The following MACROD2 variants were observed in gnomAD, a reference collection of about 807,000 sequenced individuals.
MACROD2 encodes mono-ADP ribosylhydrolase 2.
A neutral mutation model predicts 70.4 loss-of-function variants in MACROD2; 36 were observed. That is an observed-to-expected ratio of 0.51 (90% CI 0.39 to 0.68). The LOEUF (loss-of-function observed/expected upper bound fraction) is 0.68. MACROD2 is among the 30% of genes least tolerant of loss of function. The pLI is 0.00. For missense variants in MACROD2, 496 were observed against 538.4 expected (o/e 0.92, Z 0.78); for synonymous variants, 172 against 178.8 (o/e 0.96, Z 0.30).
At chr20:15,889,688 CTT>C (rs763626599) in intron 10 of MACROD2, among the ~76,000 whole-genome samples, 4 of 152,256 alleles carry the variant, frequency 2.6e-5, no homozygotes, top group Non-Finnish European at 5.9e-5. Flanking sequence ...TTCCCATGTC[CTT>C]TCATTTCCAT....
intron 3 of MACROD2, among the ~76,000 whole-genome samples, chr20:14,308,782 C>G (rs1047069225): frequency 6.6e-6 from 1 of 151,908 alleles, no homozygotes; most frequent in Non-Finnish European, 1.5e-5. Context: ...CTCTGAGTGC[C>G]TACTAAGGAA....
intron 3 of MACROD2, among the ~76,000 whole-genome samples, chr20:14,357,850 G>A (rs997155771): frequency 6.6e-6 from 1 of 152,224 alleles, no homozygotes; most frequent in Non-Finnish European, 1.5e-5. Context: ...AAATAAGACA[G>A]TGCTCTCAAG....
rs184338227 is a variant in MACROD2, at chr20:15,729,080, A to G, written c.646-133665A>G. Among the ~76,000 whole-genome samples, 363 of 152,230 alleles carry G rather than the reference A, an allele frequency of 2.4e-3. 1 individual carries two copies. The highest frequency in any genetic ancestry group is 8.2e-3 in the African/African-American group (339 of 41,562). ...TGTCCCAGAGATTCTGGTATATTGT[A>G]TCTTTGTTCCCATTAGTTTCAAAGA... On this transcript the variant is annotated intron_variant, in intron 8 of 17. Transcript: ENST00000684519.
intron 5 of MACROD2, among the ~76,000 whole-genome samples, chr20:14,714,535 A>G (rs933589122): frequency 6.6e-6 from 1 of 152,090 alleles, no homozygotes. Context: ...GACCTACAAG[A>G]CCTGGCCTCT....
intron 4 of MACROD2, among the ~76,000 whole-genome samples, chr20:14,612,844 G>A (rs1983253571): frequency 6.6e-6 from 1 of 151,846 alleles, no homozygotes; most frequent in African/African-American, 2.4e-5. Context: ...ACAAAGGGAG[G>A]AAAAAAATCA....
intron 8 of MACROD2, among the ~76,000 whole-genome samples, chr20:15,628,780 C>T (rs903807468): frequency 1.4e-4 from 22 of 152,326 alleles, no homozygotes; most frequent in African/African-American, 4.8e-4. Context: ...GAATGAAAAC[C>T]AGAGCCCTGC....
intron 5 of MACROD2, among the ~76,000 whole-genome samples, chr20:14,998,333 C>G (rs1379352310): frequency 1.3e-5 from 2 of 152,074 alleles, no homozygotes; most frequent in African/African-American, 4.8e-5. Context: ...ATGGAGAATT[C>G]AAAATAGCTG....
In MACROD2 at chr20:14,542,439, T is replaced by G. The variant is rs567270945; in HGVS notation, c.301+48931T>G. Among the ~76,000 whole-genome samples the G allele has an allele frequency of 2.6e-5, 4 of 152,364 alleles. No individual in the cohort carries two copies. The East Asian group carries it at 7.7e-4, about 29-fold the overall frequency. Reference sequence around the variant, plus strand: ...AGCTTATACTAAGTTTTTATTTTCCTGAAAATAATCCATAACTTAATGTTC... The same window carrying G: ...AGCTTATACTAAGTTTTTATTTTCCGGAAAATAATCCATAACTTAATGTTC... On this transcript the variant is annotated intron_variant, in intron 4 of 17. Transcript: ENST00000684519.
chr20:15,886,385 A>G (rs988170707), intron 10 of MACROD2, among the ~76,000 whole-genome samples: 10 of 152,144 alleles, frequency 6.6e-5, no homozygotes, highest in Non-Finnish European at 1.2e-4. Context: ...GAGACACTGT[A>G]TTCTCAGGCT....
At chr20:14,122,459 T>G (rs1038266170) in intron 3 of MACROD2, among the ~76,000 whole-genome samples, 2 of 152,174 alleles carry the variant, frequency 1.3e-5, no homozygotes, top group African/African-American at 4.8e-5. Flanking sequence ...TAGCTATTAT[T>G]TAATTCACCC....
chr20:14,969,791 G>T (rs987909763), intron 5 of MACROD2, among the ~76,000 whole-genome samples: 1 of 151,900 alleles, frequency 6.6e-6, no homozygotes, highest in Non-Finnish European at 1.5e-5. Flanking sequence ...TTTCACTTTG[G>T]GTCATGGGCC....
intron 4 of MACROD2, among the ~76,000 whole-genome samples, chr20:14,539,238 T>G (rs1247109833): frequency 6.6e-6 from 1 of 152,196 alleles, no homozygotes; most frequent in Non-Finnish European, 1.5e-5. Context: ...TTTTCTTTTA[T>G]TTAGGGGAAG....
chr20:14,197,771 A>C (rs1309291905), intron 3 of MACROD2, among the ~76,000 whole-genome samples: 1 of 151,920 alleles, frequency 6.6e-6, no homozygotes, highest in Non-Finnish European at 1.5e-5. Context: ...CATCTCAAAA[A>C]AAAAAGAAAC....
intron 4 of MACROD2, among the ~76,000 whole-genome samples, chr20:14,569,411 A>T (rs1362904522): frequency 6.6e-6 from 1 of 152,032 alleles, no homozygotes; most frequent in Non-Finnish European, 1.5e-5. Flanking sequence ...CCATTACTGA[A>T]AATGAATTTT....
intron 4 of MACROD2, among the ~76,000 whole-genome samples, chr20:14,595,244 C>T (rs866226139): frequency 1.5e-4 from 23 of 152,008 alleles, no homozygotes; most frequent in Non-Finnish European, 1.2e-4. Flanking sequence ...AAAAATTAGG[C>T]GTGCAGACAA....
intron 2 of MACROD2, among the ~76,000 whole-genome samples, chr20:14,049,186 A>AAC (rs1289891024): frequency 1.3e-5 from 2 of 150,892 alleles, no homozygotes; most frequent in Non-Finnish European, 3.0e-5. Context: ...AAAAAAAAAA[A>AAC]AAACAAAAAA....
At chr20:14,814,247 A>C (rs1325980070) in intron 5 of MACROD2, among the ~76,000 whole-genome samples, 1 of 152,048 alleles carries the variant, frequency 6.6e-6, no homozygotes, top group Non-Finnish European at 1.5e-5. Flanking sequence ...TTTAGTCTCA[A>C]GATTCTGCCA....
chr20:14,887,846 A>T (rs986258820), intron 5 of MACROD2, among the ~76,000 whole-genome samples: 2 of 146,282 alleles, frequency 1.4e-5, no homozygotes, highest in African/African-American at 2.5e-5. Context: ...AAAATATTCA[A>T]ACTGGAAGAA....
chr20:14,315,198 T>C (rs2082602823), intron 3 of MACROD2, among the ~76,000 whole-genome samples: 1 of 152,212 alleles, frequency 6.6e-6, no homozygotes, highest in Non-Finnish European at 1.5e-5. Flanking sequence ...CCACTTATAC[T>C]GTGTTATATT....
Sources: gnomAD v4.1 joint callset for allele counts (sites outside exome capture counted in the v4.1 genomes callset) on GRCh38, gnomAD v4.1.1 for gene constraint, MANE v1.5 for transcripts, NCBI Gene and HGNC (gene_info 2026-07-23, HGNC 2026-07-21) for gene names.